Variants in TRIM4 observed in about 807,000 individuals in gnomAD.
TRIM4 encodes the protein E3 ubiquitin-protein ligase TRIM4.
Under a neutral mutation model 33.7 loss-of-function variants are expected in TRIM4, and 29 were observed. That is an observed-to-expected ratio of 0.86 (90% CI 0.64 to 1.17). The LOEUF (loss-of-function observed/expected upper bound fraction) is 1.17. TRIM4 is among the 50% of genes most tolerant of loss of function. The pLI is 0.00. For missense variants in TRIM4, 554 were observed against 593.7 expected, an observed-to-expected ratio of 0.93 and a Z score of 0.69; for synonymous variants, 224 against 233.0, an observed-to-expected ratio of 0.96 and a Z score of 0.35.
At chr7:99,903,360 C>A (rs889398547) in intron 4 of TRIM4, 45 bp from the exon 5 acceptor site, 1 of 1,473,406 alleles carries the variant, frequency 6.8e-7, no homozygotes, top group Non-Finnish European at 9.4e-7. Flanking sequence ...ACTAGGGTAG[C>A]CAAGACCTCC....
At chr7:99,912,977 T>C (rs1470059022) in intron 1 of TRIM4, among the ~76,000 whole-genome samples, 1 of 152,228 alleles carries the variant, frequency 6.6e-6, no homozygotes, top group Non-Finnish European at 1.5e-5. Context: ...TTTATTCAAT[T>C]ATAACTGCCG....
intron 5 of TRIM4, among the ~76,000 whole-genome samples, chr7:99,900,723 C>G (rs1253730807): frequency 1.3e-5 from 2 of 152,040 alleles, no homozygotes. Flanking sequence ...TTTGCCAGTT[C>G]TAGAACTCTA....
intron 2 of TRIM4, among the ~76,000 whole-genome samples, chr7:99,909,353 T>C (rs1331962118): frequency 6.6e-6 from 1 of 152,156 alleles, no homozygotes; most frequent in Non-Finnish European, 1.5e-5. Flanking sequence ...CTTCCTCTCC[T>C]ATCCCCGTAT....
At chr7:99,912,426 G>A (rs935847398) in intron 1 of TRIM4, among the ~76,000 whole-genome samples, 2 of 151,976 alleles carry the variant, frequency 1.3e-5, no homozygotes, top group Admixed American at 6.6e-5. Context: ...AGCTACTTGG[G>A]AGGCTGAGGC....
intron 5 of TRIM4, 75 bp from the exon 6 acceptor site, chr7:99,892,821 G>T: frequency 7.8e-7 from 1 of 1,278,796 alleles, no homozygotes; most frequent in Non-Finnish European, 1.1e-6. Context: ...ATCTTTTCCA[G>T]CATCAGTTTC....
At chr7:99,899,873 C>G (rs902416529) in intron 5 of TRIM4, among the ~76,000 whole-genome samples, 1 of 152,148 alleles carries the variant, frequency 6.6e-6, no homozygotes, top group South Asian at 2.1e-4. Flanking sequence ...TCACTGCGGC[C>G]TCAACCTCCT....
chr7:99,906,697 A>T (rs1819314292), intron 3 of TRIM4, among the ~76,000 whole-genome samples: 1 of 151,988 alleles, frequency 6.6e-6, no homozygotes, highest in Non-Finnish European at 1.5e-5. Context: ...AAAAAAAAAC[A>T]GCTGGGGGCG....
chr7:99,903,631 G>A (rs140716138), intron 3 of TRIM4, 33 bp from the exon 4 acceptor site: 34 of 1,613,944 alleles, frequency 2.1e-5, no homozygotes, highest in East Asian at 1.8e-4. Context: ...AGCAAATTAC[G>A]AACCTTCTCC....
At position 99,909,631 on chromosome 7, in the gene TRIM4, G is replaced by A. The variant is rs755841618; in HGVS notation, c.423C>T (p.Leu141=). The change falls in exon 2 of 6, where the codon CTC becomes CTT. Residue 141 remains leucine, a synonymous_variant. Transcript: ENST00000349062. ...GCATGACTTTCTTCATCTTGGCCACGAGATTACGCTGAGACTTAAGAAGTT... is the reference window on the plus strand; with the variant it reads ...GCATGACTTTCTTCATCTTGGCCACAAGATTACGCTGAGACTTAAGAAGTT... ...REKLLKSQRN[L]VAKMKKVMHL... The A allele has an allele frequency of 2.2e-5, 35 of 1,613,164 alleles. No homozygotes were observed. Among genetic ancestry groups the A allele is most frequent in the Admixed American group, 1.3e-4 (8 of 59,900 alleles).
intron 3 of TRIM4, among the ~76,000 whole-genome samples, chr7:99,906,353 T>C (rs1038939957): frequency 2.6e-5 from 4 of 152,042 alleles, no homozygotes; most frequent in South Asian, 2.1e-4. Flanking sequence ...TCTCCACGAG[T>C]GTCATACTTT....
intron 3 of TRIM4, 21 bp from the exon 4 acceptor site, chr7:99,903,619 T>A: frequency 6.2e-7 from 1 of 1,614,202 alleles, no homozygotes; most frequent in Non-Finnish European, 8.5e-7. Context: ...AAGGAAGACA[T>A]AAGCAAATTA....
chr7:99,911,898 A>G (rs1418440368), intron 1 of TRIM4, among the ~76,000 whole-genome samples: 1 of 152,250 alleles, frequency 6.6e-6, no homozygotes, highest in East Asian at 1.9e-4. Context: ...ATTCATTGAT[A>G]GGAAGGTGGA....
At position 99,918,991 on chromosome 7, in the gene TRIM4, C is replaced by T. The variant is rs1183389080; in HGVS notation, c.393+18G>A. On this transcript the variant is annotated intron_variant, in intron 1 of 5. Coordinates refer to ENST00000349062, the MANE Select transcript of TRIM4 (RefSeq NM_033091.3). ...AACACTGACAGCCCCGTCATAGTCACCGCGACGGCCAGCTCACCCGGTAGC... is the reference window on the plus strand; with the variant it reads ...AACACTGACAGCCCCGTCATAGTCATCGCGACGGCCAGCTCACCCGGTAGC... The T allele has an allele frequency of 6.3e-7, 1 of 1,580,214 alleles. No individual in the cohort carries two copies. The highest frequency in any genetic ancestry group is 2.4e-5 in the East Asian group (1 of 41,402).
intron 1 of TRIM4, 63 bp from the exon 2 acceptor site, chr7:99,909,723 C>CTTTTTTT (rs1366631168): frequency 1.3e-5 from 9 of 692,486 alleles, no homozygotes; most frequent in East Asian, 3.4e-5. Flanking sequence ...CTTCTTTTTT[C>CTTTTTTT]TTTTTGTTTT....
At chr7:99,913,543 C>G (rs896422153) in intron 1 of TRIM4, among the ~76,000 whole-genome samples, 4 of 151,944 alleles carry the variant, frequency 2.6e-5, no homozygotes, top group Admixed American at 1.3e-4. Flanking sequence ...TGGTGGCACA[C>G]GCCTGTAATC....
chr7:99,892,106 ATG>A lies in TRIM4; in HGVS notation c.*55_*56del, dbSNP rs940078735. 1 of 1,438,848 alleles carries A rather than the reference ATG, an allele frequency of 7.0e-7. No homozygotes were observed. The highest frequency in any genetic ancestry group is 9.4e-7 in the Non-Finnish European group (1 of 1,060,370). The allele number at this position is 1,438,848 out of a possible 1,614,324, so 89.1% of individuals were successfully genotyped here. A position where few individuals can be genotyped will look rare whatever the true frequency, so the allele number is the denominator to read the frequency against. On this transcript the variant is annotated 3_prime_UTR_variant, in exon 6 of 6. Transcript: ENST00000349062. ...ATGAAGGGCAGAAGAGGGCCCAGGG[ATG>A]TGTGTCCCTCAGCTGGACTACAGGG...
chr7:99,897,554 AAATT>A, intron 5 of TRIM4, among the ~76,000 whole-genome samples: 1 of 152,290 alleles, frequency 6.6e-6, no homozygotes, highest in East Asian at 1.9e-4. Flanking sequence ...TAAATATGTA[AAATT>A]ATTATGTAGC....
intron 3 of TRIM4, among the ~76,000 whole-genome samples, chr7:99,905,683 T>C (rs1584267428): frequency 6.6e-6 from 1 of 152,158 alleles, no homozygotes; most frequent in African/African-American, 2.4e-5. Flanking sequence ...AATGTCTCTA[T>C]ATAATATCAG....
chr7:99,895,144 GT>G (rs1818987900), intron 5 of TRIM4, among the ~76,000 whole-genome samples: 1 of 152,086 alleles, frequency 6.6e-6, no homozygotes, highest in Admixed American at 6.5e-5. Context: ...GTGTCTTAAG[GT>G]GGAAGCTGAG....
Sources: allele counts gnomAD v4.1 joint callset (sites outside exome capture counted in the v4.1 genomes callset), GRCh38; gene constraint gnomAD v4.1.1; transcripts MANE v1.5; gene names NCBI Gene and HGNC (gene_info 2026-07-23, HGNC 2026-07-21).